The following PCDH15 variants were observed in gnomAD, a reference collection of about 807,000 sequenced individuals.
The protein encoded by PCDH15 is protocadherin-15.
Under a neutral mutation model 178.5 loss-of-function variants are expected in PCDH15, and 129 were observed. That is an observed-to-expected ratio of 0.72 (90% CI 0.63 to 0.84). The LOEUF (loss-of-function observed/expected upper bound fraction) is 0.84, where lower values mean the gene tolerates loss of function less well. PCDH15 is among the 40% of genes least tolerant of loss of function. The probability of loss-of-function intolerance (pLI) is 0.00; values close to 1 mark genes in which losing one functional copy is unlikely to be tolerated. For synonymous variants in PCDH15, 800 were observed against 732.0 expected, an observed-to-expected ratio of 1.09 and a Z score of -1.50; for missense variants, 2,230 against 2,099.9, an observed-to-expected ratio of 1.06 and a Z score of -1.21.
At chr10:54,950,472 TCA>T (rs1416003866) in intron 2 of PCDH15, among the ~76,000 whole-genome samples, 1 of 152,056 alleles carries the variant, frequency 6.6e-6, no homozygotes, top group East Asian at 1.9e-4. Flanking sequence ...GCACAAGCTC[TCA>T]CTTTGCCTGC....
At chr10:54,302,434 G>A (rs2060199455) in intron 8 of PCDH15, among the ~76,000 whole-genome samples, 1 of 152,172 alleles carries the variant, frequency 6.6e-6, no homozygotes, top group Non-Finnish European at 1.5e-5. Context: ...CAAGATGGCG[G>A]TATTAGAAGG....
intron 3 of PCDH15, among the ~76,000 whole-genome samples, chr10:54,429,082 TA>T (rs1184433952): frequency 2.0e-5 from 3 of 152,262 alleles, no homozygotes; most frequent in African/African-American, 7.2e-5. Flanking sequence ...GTAGAAAGAA[TA>T]AATGATAAAT....
At chr10:54,033,106 A>C (rs1304035152) in intron 18 of PCDH15, among the ~76,000 whole-genome samples, 1 of 151,916 alleles carries the variant, frequency 6.6e-6, no homozygotes, top group Non-Finnish European at 1.5e-5. Context: ...CACACAGCCA[A>C]ACCATATCAG....
intron 2 of PCDH15, among the ~76,000 whole-genome samples, chr10:55,006,617 G>T (rs975834996): frequency 1.3e-5 from 2 of 151,950 alleles, no homozygotes; most frequent in Admixed American, 6.6e-5. Flanking sequence ...TCATTTAAAC[G>T]TGTATGGCAC....
chr10:54,803,796 G>T (rs1048136528), upstream of PCDH15, among the ~76,000 whole-genome samples: 49 of 152,168 alleles, frequency 3.2e-4, no homozygotes, highest in African/African-American at 1.2e-3. Context: ...AGGTGCTTTA[G>T]AAAGATTTTG....
intron 2 of PCDH15, among the ~76,000 whole-genome samples, chr10:55,049,476 G>GA (rs940075596): frequency 2.0e-4 from 30 of 150,010 alleles, no homozygotes; most frequent in Admixed American, 7.3e-4. Context: ...CTGCATTCAT[G>GA]AAAAAAAAAT....
intron 2 of PCDH15, among the ~76,000 whole-genome samples, chr10:54,548,532 T>TTA (rs942930988): frequency 2.1e-5 from 3 of 145,254 alleles, no homozygotes; most frequent in South Asian, 2.3e-4. Context: ...TTCTGTACCT[T>TTA]TATATATATA....
At chr10:53,972,458 A>T (rs1428921056) in intron 21 of PCDH15, among the ~76,000 whole-genome samples, 2 of 152,208 alleles carry the variant, frequency 1.3e-5, no homozygotes, top group African/African-American at 2.4e-5. Flanking sequence ...TAAACTAAAG[A>T]GCTTCTGCAC....
intron 25 of PCDH15, among the ~76,000 whole-genome samples, chr10:53,926,555 T>G (rs1037106495): frequency 1.3e-5 from 2 of 152,214 alleles, no homozygotes; most frequent in Non-Finnish European, 2.9e-5. Flanking sequence ...CTTCACTAAC[T>G]TTTGTTTACC....
intron 1 of PCDH15, among the ~76,000 whole-genome samples, chr10:54,751,811 G>C (rs991947715): frequency 2.6e-5 from 4 of 152,044 alleles, no homozygotes; most frequent in African/African-American, 9.7e-5. Context: ...TCTTTATCAA[G>C]TCCCATCAGA....
chr10:54,799,597 G>C (rs1481753235), intron 1 of PCDH15, among the ~76,000 whole-genome samples: 2 of 152,000 alleles, frequency 1.3e-5, no homozygotes, highest in Non-Finnish European at 2.9e-5. Flanking sequence ...AGGGTAATTT[G>C]GGGGGCAAAG....
chr10:53,839,376 T>A (rs1057182747), intron 29 of PCDH15, among the ~76,000 whole-genome samples: 3 of 151,950 alleles, frequency 2.0e-5, no homozygotes, highest in African/African-American at 7.2e-5. Flanking sequence ...TTAATTTGAA[T>A]AAAAATTGAA....
chr10:54,469,957 C>T (rs2077784375), intron 3 of PCDH15, among the ~76,000 whole-genome samples: 1 of 152,134 alleles, frequency 6.6e-6, no homozygotes, highest in Non-Finnish European at 1.5e-5. Context: ...GGAAATAGTG[C>T]TCAGCTGCTA....
rs571805030 is a variant in PCDH15, at chr10:54,863,962, T to A, written c.-29+33488A>T. The stretch of plus-strand genomic sequence containing the variant: ...TGGACTTATTCTGTTAAATAACTGA[T>A]CATATTTAAAGCTCTTCTTGAAAAA... On this transcript the variant is annotated intron_variant, in intron 3 of 5. Coordinates refer to the PCDH15 transcript ENST00000458638. Among the ~76,000 whole-genome samples the A allele has an allele frequency of 5.9e-5, 9 of 152,304 alleles. No homozygotes were observed. The East Asian group carries it at 1.7e-3, about 29-fold the overall frequency.
intron 3 of PCDH15, among the ~76,000 whole-genome samples, chr10:54,855,894 T>C (rs1334193187): frequency 6.6e-6 from 1 of 152,184 alleles, no homozygotes; most frequent in East Asian, 1.9e-4. Flanking sequence ...ATACTCTGGA[T>C]ATGCTTGGTT....
chr10:54,036,157 G>T (rs986402393), intron 18 of PCDH15, among the ~76,000 whole-genome samples: 3 of 151,968 alleles, frequency 2.0e-5, no homozygotes, highest in African/African-American at 4.8e-5. Flanking sequence ...AGGTGAAGCA[G>T]CAAGTGCAGA....
intron 5 of PCDH15, among the ~76,000 whole-genome samples, chr10:54,363,937 T>G (rs10825309): frequency 0.15 from 22,144 of 152,058 alleles, 1,828 homozygotes; most frequent in Middle Eastern, 0.22. Context: ...TATTGGACGG[T>G]CACAGTGGCT....
At position 54,664,231 on chromosome 10, in the gene PCDH15, A is replaced by G; in HGVS notation, c.32T>C (p.Leu11Ser). The G allele has an allele frequency of 6.2e-7, 1 of 1,612,154 alleles. No homozygotes were observed. The highest frequency in any genetic ancestry group is 8.5e-7 in the Non-Finnish European group (1 of 1,178,782). The change falls in exon 2 of 38, where the codon TTA becomes TCA. Residue 11 changes from leucine to serine, a missense_variant. Physicochemically the swap from Leu to Ser is moderately radical, Grantham distance 145 (BLOSUM62 -2). Transcript: ENST00000644397. ...AGAGCCCAGGATGATCCCTGAAGCT[A>G]AACATGTCCAGAGATAAAACTGTCG... MFRQFYLWTC[L>S]ASGIILGSLF... is the part of the protein sequence containing the mutation.
At chr10:53,909,124 T>A (rs1211406836) in intron 25 of PCDH15, among the ~76,000 whole-genome samples, 1 of 152,102 alleles carries the variant, frequency 6.6e-6, no homozygotes, top group African/African-American at 2.4e-5. Flanking sequence ...ATGGGGGCAG[T>A]TTTCCCCAAT....
Sources: allele counts gnomAD v4.1 joint callset (sites outside exome capture counted in the v4.1 genomes callset), GRCh38; gene constraint gnomAD v4.1.1; transcripts MANE v1.5; gene names NCBI Gene and HGNC (gene_info 2026-07-23, HGNC 2026-07-21).